ITGA1: variants seen among roughly 807,000 people sequenced by gnomAD.
ITGA1 encodes the protein integrin subunit alpha 1.
A neutral mutation model predicts 145.9 loss-of-function variants in ITGA1; 85 were observed. The observed-to-expected ratio is 0.58, with a 90% confidence interval of 0.49 to 0.70. The LOEUF (loss-of-function observed/expected upper bound fraction) is 0.70, where lower values mean the gene tolerates loss of function less well. Ranked by LOEUF, ITGA1 falls within the 30% of genes least tolerant of loss-of-function variation. ITGA1 has a pLI of 0.00. For missense variants in ITGA1, 1,351 were observed against 1,418.7 expected, an observed-to-expected ratio of 0.95 and a Z score of 0.77; for synonymous variants, 520 against 495.3, an observed-to-expected ratio of 1.05 and a Z score of -0.66.
At chr5:52,917,200 A>G (rs1233844787) in intron 15 of ITGA1, among the ~76,000 whole-genome samples, 1 of 152,190 alleles carries the variant, frequency 6.6e-6, no homozygotes, top group African/African-American at 2.4e-5. Context: ...GGGGTGGACA[A>G]TGGTCGAGGC....
chr5:52,795,839 T>C (rs1193000812), intron 1 of ITGA1, among the ~76,000 whole-genome samples: 2 of 151,914 alleles, frequency 1.3e-5, no homozygotes, highest in African/African-American at 4.8e-5. Flanking sequence ...TTATTTATCA[T>C]TTAGAATGAA....
intron 14 of ITGA1, among the ~76,000 whole-genome samples, chr5:52,910,836 TG>T (rs1561245644): frequency 7.0e-6 from 1 of 143,144 alleles, no homozygotes; most frequent in Non-Finnish European, 1.5e-5. Flanking sequence ...AGTGTGCATA[TG>T]GTATATATAG....
Position 52,947,473 on chromosome 5 carries a change from A to G in ITGA1, c.3495+12A>G. The G allele has an allele frequency of 6.6e-7, 1 of 1,518,746 alleles. No homozygotes were observed. The highest frequency in any genetic ancestry group is 1.1e-5 in the South Asian group (1 of 89,136). The allele number at this position is 1,518,746 out of a possible 1,614,324, so 94.1% of individuals were successfully genotyped here. A position where few individuals can be genotyped will look rare whatever the true frequency, so the allele number is the denominator to read the frequency against. Reference sequence around the variant, plus strand: ...TAGCACTGTGGAAGGTAAACACCAAAATTCCTTTGACTCTCTACTTCAATC... The same window carrying G: ...TAGCACTGTGGAAGGTAAACACCAAGATTCCTTTGACTCTCTACTTCAATC... On this transcript the variant is annotated intron_variant, in intron 28 of 28. Coordinates refer to ENST00000282588, the MANE Select transcript of ITGA1 (RefSeq NM_181501.2).
At chr5:52,792,282 G>A (rs1748256721) in intron 1 of ITGA1, among the ~76,000 whole-genome samples, 1 of 152,136 alleles carries the variant, frequency 6.6e-6, no homozygotes, top group Non-Finnish European at 1.5e-5. Flanking sequence ...TGAATATGGG[G>A]AGGAAGTCAG....
intron 7 of ITGA1, among the ~76,000 whole-genome samples, chr5:52,885,201 T>A (rs796911419): frequency 4.1e-4 from 63 of 152,122 alleles, no homozygotes; most frequent in African/African-American, 1.3e-3. Flanking sequence ...CTGAACCCCG[T>A]AGTTCAGAAA....
At position 52,954,089 on chromosome 5, in the gene ITGA1, G is replaced by T. The variant is rs948253871; in HGVS notation, c.*1638G>T. Reference sequence around the variant, plus strand: ...ATGCCAAAGCCATCAGTAGCTGGAAGAAAGAATACCTCTTTCTAGAGGTTT... The same window carrying T: ...ATGCCAAAGCCATCAGTAGCTGGAATAAAGAATACCTCTTTCTAGAGGTTT... On this transcript the variant is annotated 3_prime_UTR_variant, in exon 29 of 29. Coordinates refer to ENST00000282588, the MANE Select transcript of ITGA1 (RefSeq NM_181501.2). 3.3e-5 allele frequency: 5 copies of T among 152,208 alleles called. No individual in the cohort carries two copies. Among genetic ancestry groups the T allele is most frequent in the African/African-American group, 1.2e-4 (5 of 41,434 alleles). 9.4% of individuals were successfully genotyped at this position (152,208 alleles called of 1,614,324 possible). A position where few individuals can be genotyped will look rare whatever the true frequency, so the allele number is the denominator to read the frequency against.
At chr5:52,904,325 A>T (rs1750363013) in intron 11 of ITGA1, 1 of 152,228 alleles carries the variant, frequency 6.6e-6, no homozygotes, top group African/African-American at 2.4e-5. Flanking sequence ...AGATTAACCC[A>T]TACGTGACCT....
At chr5:52,815,050 G>A (rs958810290) in intron 1 of ITGA1, among the ~76,000 whole-genome samples, 3 of 152,124 alleles carry the variant, frequency 2.0e-5, no homozygotes, top group Non-Finnish European at 2.9e-5. Context: ...CTTGTCTTTA[G>A]CCTAAACATT....
intron 6 of ITGA1, among the ~76,000 whole-genome samples, chr5:52,872,421 A>T (rs575780236): frequency 2.0e-5 from 3 of 152,172 alleles, no homozygotes; most frequent in Admixed American, 6.5e-5. Context: ...GTGAGTTCAG[A>T]ACATTTCCCT....
At chr5:52,905,121 G>T (rs924083548) in intron 11 of ITGA1, 6 of 152,084 alleles carry the variant, frequency 3.9e-5, no homozygotes, top group African/African-American at 1.4e-4. Context: ...CATTAAAAAC[G>T]TGATCCAGTG....
At chr5:52,849,338 T>C in intron 1 of ITGA1, 27 bp from the exon 2 acceptor site, 1 of 1,580,324 alleles carries the variant, frequency 6.3e-7, no homozygotes, top group Non-Finnish European at 8.6e-7. Flanking sequence ...TAACTCTATG[T>C]AACTGGATTT....
intron 2 of ITGA1, among the ~76,000 whole-genome samples, chr5:52,855,517 G>A (rs1426521337): frequency 2.0e-5 from 3 of 152,110 alleles, no homozygotes; most frequent in Non-Finnish European, 2.9e-5. Flanking sequence ...CTAAGGATGT[G>A]TTTGTGAACA....
chr5:52,851,300 G>A (rs750848686), intron 2 of ITGA1, among the ~76,000 whole-genome samples: 4 of 152,124 alleles, frequency 2.6e-5, no homozygotes, highest in Non-Finnish European at 5.9e-5. Context: ...CCTTAGTAGA[G>A]TGAAAAGGGG....
intron 7 of ITGA1, among the ~76,000 whole-genome samples, chr5:52,883,776 C>T (rs560809167): frequency 2.6e-5 from 4 of 152,210 alleles, no homozygotes; most frequent in South Asian, 2.1e-4. Context: ...GCAGGAAAGT[C>T]AATGCTTAGT....
chr5:52,875,815 A>C (rs1749857566), intron 6 of ITGA1, among the ~76,000 whole-genome samples: 1 of 152,132 alleles, frequency 6.6e-6, no homozygotes, highest in South Asian at 2.1e-4. Flanking sequence ...CTCTCTATCC[A>C]ACTTCCACCA....
chr5:52,854,725 G>A (rs1749480577), intron 2 of ITGA1, among the ~76,000 whole-genome samples: 1 of 152,170 alleles, frequency 6.6e-6, no homozygotes, highest in African/African-American at 2.4e-5. Context: ...AGAGACATCA[G>A]ACACCACCTA....
At chr5:52,918,343 A>C (rs371113543) in intron 15 of ITGA1, among the ~76,000 whole-genome samples, 10 of 152,212 alleles carry the variant, frequency 6.6e-5, no homozygotes, top group African/African-American at 2.4e-4. Context: ...ACAATATTAC[A>C]GTCCAGACAA....
At position 52,867,912 on chromosome 5, in the gene ITGA1, C is replaced by T. The variant is rs922920504; in HGVS notation, c.624+2095C>T. Among the ~76,000 whole-genome samples, 92 of 152,144 alleles carry T rather than the reference C, an allele frequency of 6.0e-4. 1 individual carries two copies. The highest frequency in any genetic ancestry group is 2.1e-3 in the African/African-American group (86 of 41,516). ...TCAGAGCCAGTACCATCTAATGCCCCTGAATAGTAGATTTCAATCCTTTTC... is the reference window on the plus strand; with the variant it reads ...TCAGAGCCAGTACCATCTAATGCCCTTGAATAGTAGATTTCAATCCTTTTC... On this transcript the variant is annotated intron_variant, in intron 6 of 28. Coordinates refer to ENST00000282588, the MANE Select transcript of ITGA1 (RefSeq NM_181501.2).
Position 52,920,394 on chromosome 5 carries a change from A to G in ITGA1, c.2218A>G (p.Thr740Ala). 2 of 1,612,052 alleles carry G rather than the reference A, an allele frequency of 1.2e-6. No individual in the cohort carries two copies. The highest frequency in any genetic ancestry group is 1.7e-6 in the Non-Finnish European group (2 of 1,178,728). ...AATATCACGAAGTTTTTTCTCTGGA[A>G]CTCAAGAGAGAAAGGTTCAAAGGAA... ...RQISRSFFSG[T>A]QERKVQRNIT... The change falls in exon 17 of 29, where the codon ACT (threonine) becomes GCT (alanine). Residue 740 changes from threonine to alanine, a missense_variant. Transcript: ENST00000282588.
Sources: allele counts gnomAD v4.1 joint callset (sites outside exome capture counted in the v4.1 genomes callset), GRCh38; gene constraint gnomAD v4.1.1; transcripts MANE v1.5; gene names NCBI Gene and HGNC (gene_info 2026-07-23, HGNC 2026-07-21).